UNC5D: variants seen among roughly 807,000 people sequenced by gnomAD.
The protein encoded by UNC5D is unc-5 netrin receptor D, also known as netrin receptor UNC5D.
Under a neutral mutation model 105.4 loss-of-function variants are expected in UNC5D, and 39 were observed. The ratio of observed to expected loss-of-function variants is 0.37; its 90% CI spans 0.29 to 0.48. UNC5D has a LOEUF of 0.48. UNC5D is among the 20% of genes least tolerant of loss of function. The pLI is 0.98. For synonymous variants in UNC5D, 452 were observed against 450.4 expected (o/e 1.00, Z -0.04); for missense variants, 991 against 1,202.4 (o/e 0.82, Z 2.60).
chr8:35,721,775 G>A (rs148304309), intron 8 of UNC5D, among the ~76,000 whole-genome samples: 1 of 152,136 alleles, frequency 6.6e-6, no homozygotes, highest in Non-Finnish European at 1.5e-5. Context: ...CTCTGCAAAG[G>A]CATGTGCCCC....
intron 1 of UNC5D, among the ~76,000 whole-genome samples, chr8:35,251,301 A>C (rs117025233): frequency 6.6e-6 from 1 of 152,296 alleles, no homozygotes; most frequent in East Asian, 1.9e-4. Context: ...ACATGGTGGC[A>C]GCAAGAAGTG....
chr8:35,311,311 A>G (rs533824520), intron 1 of UNC5D, among the ~76,000 whole-genome samples: 32 of 152,268 alleles, frequency 2.1e-4, no homozygotes, highest in Non-Finnish European at 4.0e-4. Context: ...AGTCTGGACC[A>G]TGGAAGATGT....
At chr8:35,660,201 A>C (rs569205708) in intron 4 of UNC5D, among the ~76,000 whole-genome samples, 1 of 152,322 alleles carries the variant, frequency 6.6e-6, no homozygotes, top group East Asian at 1.9e-4. Context: ...GGAATGATTA[A>C]GGAGCATGGG....
At position 35,525,867 on chromosome 8, in the gene UNC5D, T is replaced by A. The variant is rs1179463097; in HGVS notation, c.104-23425T>A. ...GCATTTAGTCATAGTAAAATCCAGT[T>A]TAGCTATTAAAAAAGAAAATTTTCT... On this transcript the variant is annotated intron_variant, in intron 1 of 16. Coordinates refer to ENST00000404895, the MANE Select transcript of UNC5D (RefSeq NM_080872.4). 8.9e-6 allele frequency: 11 copies of A among 1,232,608 alleles called. No individual in the cohort carries two copies. In the Admixed American group the frequency reaches 3.2e-4, roughly 35 times the overall value. 76.4% of individuals were successfully genotyped at this position (1,232,608 alleles called of 1,614,324 possible).
chr8:35,407,741 C>G (rs773781942), intron 1 of UNC5D, among the ~76,000 whole-genome samples: 1 of 152,124 alleles, frequency 6.6e-6, no homozygotes, highest in Non-Finnish European at 1.5e-5. Context: ...CTCTATGTGT[C>G]TATATATTCT....
At chr8:35,655,619 A>G (rs1436120438) in intron 4 of UNC5D, among the ~76,000 whole-genome samples, 1 of 152,240 alleles carries the variant, frequency 6.6e-6, no homozygotes, top group Non-Finnish European at 1.5e-5. Context: ...AATTCAGGAG[A>G]CAGGACTTAT....
intron 1 of UNC5D, among the ~76,000 whole-genome samples, chr8:35,536,779 T>C (rs1010750540): frequency 6.6e-6 from 1 of 152,120 alleles, no homozygotes; most frequent in Non-Finnish European, 1.5e-5. Context: ...GGGCTGATCA[T>C]GCAGTCAGGA....
At chr8:35,257,596 T>G (rs2128818264) in intron 1 of UNC5D, among the ~76,000 whole-genome samples, 1 of 152,344 alleles carries the variant, frequency 6.6e-6, no homozygotes, top group Non-Finnish European at 1.5e-5. Flanking sequence ...AGATTATGCA[T>G]GCATTGATAT....
intron 1 of UNC5D, among the ~76,000 whole-genome samples, chr8:35,297,708 G>A (rs189682962): frequency 1.3e-3 from 203 of 151,854 alleles, no homozygotes; most frequent in Middle Eastern, 3.4e-3. Flanking sequence ...TGCTGCCTCC[G>A]GATTTAATAC....
rs544332272 is a variant in UNC5D, at chr8:35,724,268, C to A, written c.1303+1873C>A. The A allele has an allele frequency of 2.1e-5, 32 of 1,534,796 alleles. No homozygotes were observed. The African/African-American group carries it at 3.8e-4, about 18-fold the overall frequency. On this transcript the variant is annotated intron_variant, in intron 9 of 16. Coordinates refer to ENST00000404895, the MANE Select transcript of UNC5D (RefSeq NM_080872.4). ...ATTTTTAGCCAAGAATATCATGGAA[C>A]TAATGATACAAGAAAAATCCTTTGG...
chr8:35,755,400 A>C (rs1326352579), intron 13 of UNC5D, among the ~76,000 whole-genome samples: 5 of 152,178 alleles, frequency 3.3e-5, no homozygotes, highest in African/African-American at 9.7e-5. Context: ...TCTTGTGTTT[A>C]TCAATAATGC....
chr8:35,594,234 G>A (rs975161731), intron 3 of UNC5D, among the ~76,000 whole-genome samples: 11 of 152,170 alleles, frequency 7.2e-5, no homozygotes, highest in East Asian at 1.9e-4. Flanking sequence ...AAAGACATTG[G>A]TTGCCTCTGG....
At chr8:35,237,433 G>A (rs1802545144) in intron 1 of UNC5D, among the ~76,000 whole-genome samples, 1 of 151,968 alleles carries the variant, frequency 6.6e-6, no homozygotes. Context: ...TAATCTAAAT[G>A]TCTGAGTTTC....
chr8:35,689,101 T>C (rs577838974), intron 7 of UNC5D, among the ~76,000 whole-genome samples: 1 of 152,276 alleles, frequency 6.6e-6, no homozygotes, highest in Non-Finnish European at 1.5e-5. Context: ...ATTTTTATAG[T>C]CATAGTAATA....
chr8:35,724,186 A>C, intron 9 of UNC5D: 1 of 1,485,260 alleles, frequency 6.7e-7, no homozygotes, highest in Non-Finnish European at 8.9e-7. Context: ...GTGTATTGTA[A>C]ATCTCTAAGA....
chr8:35,406,941 C>T (rs1804844098), intron 1 of UNC5D, among the ~76,000 whole-genome samples: 1 of 152,024 alleles, frequency 6.6e-6, no homozygotes, highest in Non-Finnish European at 1.5e-5. Flanking sequence ...TATGTGTATA[C>T]ATGCATATAT....
At chr8:35,663,987 T>C (rs568216621) in intron 4 of UNC5D, among the ~76,000 whole-genome samples, 1 of 152,210 alleles carries the variant, frequency 6.6e-6, no homozygotes, top group African/African-American at 2.4e-5. Flanking sequence ...TGAACTTTTG[T>C]ATATTAAAAA....
intron 1 of UNC5D, among the ~76,000 whole-genome samples, chr8:35,396,293 A>T (rs542656060): frequency 6.6e-6 from 1 of 152,110 alleles, no homozygotes; most frequent in Non-Finnish European, 1.5e-5. Flanking sequence ...TTACAACGAA[A>T]GGTTACACAG....
At chr8:35,454,862 G>T (rs4739408) in intron 1 of UNC5D, among the ~76,000 whole-genome samples, 95,974 of 152,002 alleles carry the variant, frequency 0.63, 32,365 homozygotes, top group African/African-American at 0.89. Context: ...TACCGTACAC[G>T]GGTGAGGAAT....
Sources: gnomAD v4.1 joint callset for allele counts (sites outside exome capture counted in the v4.1 genomes callset) on GRCh38, gnomAD v4.1.1 for gene constraint, MANE v1.5 for transcripts, NCBI Gene and HGNC (gene_info 2026-07-23, HGNC 2026-07-21) for gene names.